Variants in ZNF667 observed in about 807,000 individuals in gnomAD.
ZNF667 encodes the protein myocardial ischemic preconditioning upregulated 1 ortholog.
In ZNF667, 13 loss-of-function variants were observed where a neutral mutation model predicts 31.8. The ratio of observed to expected loss-of-function variants is 0.41; its 90% CI spans 0.27 to 0.65. ZNF667 has a LOEUF of 0.65. ZNF667 is among the 30% of genes least tolerant of loss of function. The pLI is 0.32. For missense variants in ZNF667, 642 were observed against 725.6 expected (o/e 0.88, Z 1.32); for synonymous variants, 228 against 247.1 (o/e 0.92, Z 0.73).
intron 6 of ZNF667, among the ~76,000 whole-genome samples, chr19:56,447,380 A>G (rs10419332): frequency 0.39 from 59,163 of 152,074 alleles, 12,101 homozygotes; most frequent in Middle Eastern, 0.54. Context: ...AACAAATGCT[A>G]GTAAATCTAC....
upstream of ZNF667, chr19:56,477,701 A>G (rs1423022622): frequency 6.6e-6 from 1 of 152,272 alleles, no homozygotes; most frequent in Admixed American, 6.5e-5. Flanking sequence ...CAACCTCCCC[A>G]ATTCGCCGCC....
chr19:56,448,519 C>CA (rs2042752514), intron 6 of ZNF667, among the ~76,000 whole-genome samples: 1 of 151,958 alleles, frequency 6.6e-6, no homozygotes, highest in Non-Finnish European at 1.5e-5. Flanking sequence ...CTGGAGTGGC[C>CA]AAGAGAGTGT....
chr19:56,466,906 T>C (rs1317405389), intron 3 of ZNF667: 1 of 425,590 alleles, frequency 2.3e-6, no homozygotes. Flanking sequence ...TCCCATTCCT[T>C]CTCCTGCTTT....
At chr19:56,450,581 A>G (rs917528196) in intron 6 of ZNF667, among the ~76,000 whole-genome samples, 1 of 152,202 alleles carries the variant, frequency 6.6e-6, no homozygotes, top group Non-Finnish European at 1.5e-5. Flanking sequence ...AAATATTATA[A>G]TACTGTAATT....
chr19:56,450,638 G>C (rs1307921546), intron 6 of ZNF667, among the ~76,000 whole-genome samples: 1 of 152,086 alleles, frequency 6.6e-6, no homozygotes, highest in East Asian at 1.9e-4. Context: ...CTAAAAGACG[G>C]ACTGACAAAA....
intron 6 of ZNF667, among the ~76,000 whole-genome samples, chr19:56,447,538 C>T (rs1410720261): frequency 1.3e-5 from 2 of 151,970 alleles, no homozygotes; most frequent in East Asian, 3.9e-4. Context: ...TGAGCCATGA[C>T]TGCACCACTA....
intron 6 of ZNF667, among the ~76,000 whole-genome samples, chr19:56,457,696 C>T (rs2042962478): frequency 6.6e-6 from 1 of 152,188 alleles, no homozygotes; most frequent in Non-Finnish European, 1.5e-5. Context: ...CACAAATAAT[C>T]TCTTAAAGAG....
intron 1 of ZNF667, chr19:56,474,715 C>T (rs148965300): frequency 2.8e-4 from 42 of 152,422 alleles, no homozygotes; most frequent in African/African-American, 9.6e-4. Flanking sequence ...GCTCTTAACC[C>T]TGTGCGTACA....
intron 3 of ZNF667, among the ~76,000 whole-genome samples, chr19:56,462,661 A>C (rs2043072118): frequency 6.6e-6 from 1 of 152,176 alleles, no homozygotes; most frequent in Admixed American, 6.5e-5. Flanking sequence ...TCATGAGGCA[A>C]ATAAGGACTG....
Position 56,439,621 on chromosome 19 carries a change from TC to T in ZNF667, c.*1540del, listed in dbSNP as rs2147638893. 6.6e-6 allele frequency: 1 copy of T among 152,406 alleles called. No homozygotes were observed. The highest frequency in any genetic ancestry group is 6.5e-5 in the Admixed American group (1 of 15,302). The allele number at this position is 152,406 out of a possible 1,614,324, so 9.4% of individuals were successfully genotyped here. A position where few individuals can be genotyped will look rare whatever the true frequency, so the allele number is the denominator to read the frequency against. ...CCTGTTCTGTAGACAGCTGGCTTCT[TC>T]CTGCATCCTCACATGGTGCAGAGAG... On this transcript the variant is annotated 3_prime_UTR_variant, in exon 7 of 7. Transcript: ENST00000504904.
At chr19:56,449,211 C>A in intron 6 of ZNF667, 1 of 398,194 alleles carries the variant, frequency 2.5e-6, no homozygotes, top group Non-Finnish European at 4.9e-6. Flanking sequence ...CAAGCCCAGA[C>A]TACAAAGATA....
intron 6 of ZNF667, among the ~76,000 whole-genome samples, chr19:56,447,656 G>T (rs1405267341): frequency 6.6e-6 from 1 of 152,090 alleles, no homozygotes; most frequent in African/African-American, 2.4e-5. Context: ...GCCGAGGTGG[G>T]TGGATCACAA....
At chr19:56,449,243 A>C (rs1260050633) in intron 6 of ZNF667, 1 of 426,316 alleles carries the variant, frequency 2.3e-6, no homozygotes, top group African/African-American at 2.0e-5. Flanking sequence ...CTAATTCATC[A>C]ATGACCAGGT....
chr19:56,444,162 T>A (rs1309601252), intron 6 of ZNF667: 12 of 398,462 alleles, frequency 3.0e-5, no homozygotes, highest in Non-Finnish European at 4.9e-5. Flanking sequence ...TATATTGCTA[T>A]AAATAAATAC....
At chr19:56,477,793 G>C (rs1473680241), upstream of ZNF667, 1 of 152,380 alleles carries the variant, frequency 6.6e-6, no homozygotes, top group Non-Finnish European at 1.5e-5. Flanking sequence ...CCACATTCAC[G>C]AGGTTTGGAG....
chr19:56,470,232 C>T (rs987850048), intron 3 of ZNF667, among the ~76,000 whole-genome samples: 1 of 152,196 alleles, frequency 6.6e-6, no homozygotes, highest in Non-Finnish European at 1.5e-5. Context: ...TTACAAGTGC[C>T]AGGTGGGGCC....
chr19:56,470,474 C>T (rs751856359), intron 3 of ZNF667, among the ~76,000 whole-genome samples: 8 of 152,156 alleles, frequency 5.3e-5, no homozygotes, highest in Admixed American at 2.0e-4. Flanking sequence ...CATCTTCCAT[C>T]GCGGGGATGA....
rs1351199980 is a variant in ZNF667, at chr19:56,462,351, T to C, written c.20A>G (p.Lys7Arg). 6.2e-7 allele frequency: 1 copy of C among 1,614,198 alleles called. No individual in the cohort carries two copies. The highest frequency in any genetic ancestry group is 8.5e-7 in the Non-Finnish European group (1 of 1,180,032). Residue 7 changes from lysine to arginine, a missense_variant, in exon 4 of 7, where the codon AAA becomes AGA. Transcript: ENST00000504904. ...ATTGCCACTTACCTTGGATTTGGAT[T>C]TCCCCCGTGCAGAAGGCATCCTTTC... is the stretch of plus-strand genomic sequence containing the variant. MPSARG[K>R]SKSKAPITFG...
At chr19:56,463,507 G>A (rs537078187) in intron 3 of ZNF667, among the ~76,000 whole-genome samples, 10 of 152,178 alleles carry the variant, frequency 6.6e-5, no homozygotes, top group African/African-American at 2.2e-4. Context: ...AAAACTAGTG[G>A]AACTGAGGAA....
Sources: allele counts gnomAD v4.1 joint callset (sites outside exome capture counted in the v4.1 genomes callset), GRCh38; gene constraint gnomAD v4.1.1; transcripts MANE v1.5; gene names NCBI Gene and HGNC (gene_info 2026-07-23, HGNC 2026-07-21).